TENM1: variants seen among roughly 807,000 people sequenced by gnomAD.
The protein encoded by TENM1 is teneurin-1.
Under a neutral mutation model 174.8 loss-of-function variants are expected in TENM1, and 35 were observed. The ratio of observed to expected loss-of-function variants is 0.20; its 90% CI spans 0.15 to 0.27. The LOEUF (loss-of-function observed/expected upper bound fraction) is 0.27. Among genes scored for constraint, TENM1 ranks in the 10% least tolerant of loss-of-function variants. The pLI is 1.00. For synonymous variants in TENM1, 781 were observed against 798.7 expected (o/e 0.98, Z 0.37); for missense variants, 1,633 against 2,130.1 (o/e 0.77, Z 4.59).
At chrX:125,024,263 C>T in the TENM1 span, among the ~76,000 whole-genome samples, 1 of 110,543 alleles carries the variant, frequency 9.0e-6, no homozygotes, top group South Asian at 3.8e-4. Flanking sequence ...GACACCTGTA[C>T]TCATATGTTT....
the TENM1 span, among the ~76,000 whole-genome samples, chrX:125,048,891 C>A: frequency 9.0e-6 from 1 of 110,935 alleles, no homozygotes; most frequent in Non-Finnish European, 1.9e-5. Context: ...GAAACCTGGG[C>A]AAATTACTAA....
At chrX:124,717,443 C>A (rs1184196529) in intron 4 of TENM1, among the ~76,000 whole-genome samples, 1 of 111,523 alleles carries the variant, frequency 9.0e-6, no homozygotes, top group Non-Finnish European at 1.9e-5. Context: ...AGCCAAGATG[C>A]AAGGTCATGT....
chrX:125,047,297 C>G, the TENM1 span, among the ~76,000 whole-genome samples: 1 of 111,572 alleles, frequency 9.0e-6, no homozygotes, highest in South Asian at 3.7e-4. Flanking sequence ...AATATTGTTT[C>G]CCCTGTTAGC....
At position 124,488,190 on chromosome X, in the gene TENM1, T is replaced by G. The variant is rs138854073; in HGVS notation, c.3696-961A>C. On this transcript the variant is annotated intron_variant, in intron 20 of 31. Coordinates refer to ENST00000422452, the Ensembl canonical transcript of TENM1. The stretch of plus-strand genomic sequence containing the variant: ...TCACACAGGGAGTGCAGTCTGTGTA[T>G]AGGCCTGACTTTGGGTCAAGTCTGC... Among the ~76,000 whole-genome samples the G allele has an allele frequency of 7.8e-3, 875 of 112,242 alleles. 5 individuals are homozygous for G. The highest frequency in any genetic ancestry group is 0.027 in the African/African-American group (829 of 30,929).
At chrX:124,592,706 TC>T (rs1569331194) in intron 11 of TENM1, among the ~76,000 whole-genome samples, 1 of 108,925 alleles carries the variant, frequency 9.2e-6, no homozygotes, top group African/African-American at 3.3e-5. Flanking sequence ...CCCCTTGGCC[TC>T]CCAAAGTGCT....
the TENM1 span, among the ~76,000 whole-genome samples, chrX:125,160,125 G>A: frequency 1.9e-5 from 2 of 106,959 alleles, no homozygotes; most frequent in African/African-American, 3.4e-5. Context: ...GCTTGAACCT[G>A]GGAGGCAGAG....
At chrX:125,002,326 G>A in the TENM1 span, among the ~76,000 whole-genome samples, 1 of 111,464 alleles carries the variant, frequency 9.0e-6, no homozygotes, top group Non-Finnish European at 1.9e-5. Context: ...AGAGCAAGGA[G>A]CTCCATAAGT....
Position 124,414,412 on chromosome X carries a change from C to G in TENM1, c.4982+5899G>C, listed in dbSNP as rs182941703. 1.8e-3 allele frequency among the ~76,000 whole-genome samples: 200 copies of G among 111,562 alleles called. 2 individuals carry two copies. Among genetic ancestry groups the G allele is most frequent in the African/African-American group, 5.9e-3 (181 of 30,649 alleles). On this transcript the variant is annotated intron_variant, in intron 25 of 31. Coordinates refer to ENST00000422452, the Ensembl canonical transcript of TENM1. ...TGCAGCCTTGTGGAGAAAGGCTTGT[C>G]TGCTGTGCGAGTTGCTAGGCCCCTC...
chrX:124,921,992 C>G (rs2058028963), intron 1 of TENM1, among the ~76,000 whole-genome samples: 2 of 111,781 alleles, frequency 1.8e-5, no homozygotes, highest in South Asian at 3.7e-4. Context: ...TTCCAGAGAG[C>G]CAGGTTCATT....
At chrX:124,961,018 T>G (rs2058644677) in intron 1 of TENM1, among the ~76,000 whole-genome samples, 1 of 112,066 alleles carries the variant, frequency 8.9e-6, no homozygotes, top group Non-Finnish European at 1.9e-5. Context: ...AGTAATATAG[T>G]TAACATCACA....
chrX:124,687,865 T>A (rs979590242), intron 5 of TENM1, among the ~76,000 whole-genome samples: 1 of 112,448 alleles, frequency 8.9e-6, no homozygotes, highest in Non-Finnish European at 1.9e-5. Flanking sequence ...GTCAGACTCA[T>A]AGAAGCAGAG....
the TENM1 span, among the ~76,000 whole-genome samples, chrX:125,069,968 C>T: frequency 9.1e-6 from 1 of 109,911 alleles, no homozygotes; most frequent in East Asian, 2.9e-4. Flanking sequence ...ATACTCCCAG[C>T]ACTTGAGGCC....
chrX:124,471,417 TA>T (rs2061323724), intron 22 of TENM1, among the ~76,000 whole-genome samples: 3 of 25,507 alleles, frequency 1.2e-4, no homozygotes, highest in South Asian at 3.4e-3. Flanking sequence ...TAATATATAG[TA>T]ATATATTATA....
chrX:124,483,689 A>G (rs2046893272), intron 21 of TENM1, among the ~76,000 whole-genome samples: 1 of 112,182 alleles, frequency 8.9e-6, no homozygotes, highest in Non-Finnish European at 1.9e-5. Context: ...AAGTGCATAC[A>G]ATGTATCCAA....
chrX:124,376,201 A>C (rs2060102250), exon 32 of TENM1: 1 of 112,287 alleles, frequency 8.9e-6, no homozygotes, highest in Non-Finnish European at 1.9e-5. Context: ...ACAATTTTCA[A>C]TATGATTAGA....
At chrX:124,577,400 C>G (rs921951669) in intron 11 of TENM1, among the ~76,000 whole-genome samples, 8 of 108,444 alleles carry the variant, frequency 7.4e-5, no homozygotes, top group East Asian at 5.8e-4. Flanking sequence ...AGAAAAGAAA[C>G]GTAAAGAACC....
At chrX:124,752,704 T>C (rs1403111187) in intron 3 of TENM1, among the ~76,000 whole-genome samples, 1 of 111,668 alleles carries the variant, frequency 9.0e-6, no homozygotes, top group African/African-American at 3.3e-5. Context: ...TTCAGCTTTC[T>C]ACATATGGCT....
chrX:124,872,561 A>G (rs2057130485), intron 3 of TENM1, among the ~76,000 whole-genome samples: 1 of 112,317 alleles, frequency 8.9e-6, no homozygotes, highest in Non-Finnish European at 1.9e-5. Context: ...TTTAAAATCA[A>G]CCATTTAGCA....
At chrX:125,182,017 C>T in the TENM1 span, among the ~76,000 whole-genome samples, 3 of 111,426 alleles carry the variant, frequency 2.7e-5, no homozygotes, top group South Asian at 1.2e-3. Flanking sequence ...ACAACACAGA[C>T]TTATCTTAGA....
Sources: allele counts gnomAD v4.1 joint callset (sites outside exome capture counted in the v4.1 genomes callset), GRCh38; gene constraint gnomAD v4.1.1; transcripts MANE v1.5; gene names NCBI Gene and HGNC (gene_info 2026-07-23, HGNC 2026-07-21).